The following CFAP77 variants were observed in gnomAD, a reference collection of about 807,000 sequenced individuals.
The protein encoded by CFAP77 is cilia and flagella associated protein 77.
In CFAP77, 25 loss-of-function variants were observed where a neutral mutation model predicts 31.1. The ratio of observed to expected loss-of-function variants is 0.80; its 90% CI spans 0.59 to 1.12. The LOEUF is 1.12. Among genes scored for constraint, CFAP77 ranks in the 50% most tolerant of loss-of-function variants. The probability of loss-of-function intolerance (pLI) is 0.00; values close to 1 mark genes in which losing one functional copy is unlikely to be tolerated. For synonymous variants in CFAP77, 151 were observed against 159.9 expected (o/e 0.94, Z 0.42); for missense variants, 377 against 397.3 (o/e 0.95, Z 0.44).
chr9:132,443,070 A>C (rs1179993769), intron 1 of CFAP77, among the ~76,000 whole-genome samples: 1 of 151,872 alleles, frequency 6.6e-6, no homozygotes, highest in Non-Finnish European at 1.5e-5. Flanking sequence ...ATAACATGTG[A>C]CTTTTTGTGT....
chr9:132,537,823 G>T, intron 4 of CFAP77, 117 bp downstream of exon 4: 1 of 737,116 alleles, frequency 1.4e-6, no homozygotes. Context: ...GGATGAGTGG[G>T]AAATCAGGTT....
At chr9:132,561,765 CAAG>C (rs1829814673) in intron 5 of CFAP77, among the ~76,000 whole-genome samples, 1 of 152,090 alleles carries the variant, frequency 6.6e-6, no homozygotes, top group South Asian at 2.1e-4. Context: ...GCCCTCCCAA[CAAG>C]AAGAGCCCCA....
chr9:132,567,106 C>A (rs1829893477), intron 5 of CFAP77, among the ~76,000 whole-genome samples: 1 of 152,188 alleles, frequency 6.6e-6, no homozygotes, highest in Non-Finnish European at 1.5e-5. Flanking sequence ...CCGTGAGATT[C>A]CAGTTGGAAT....
At chr9:132,558,572 G>A (rs1374431479) in intron 5 of CFAP77, among the ~76,000 whole-genome samples, 3 of 152,042 alleles carry the variant, frequency 2.0e-5, no homozygotes, top group Non-Finnish European at 4.4e-5. Flanking sequence ...AGGCGTGGTG[G>A]CAGGCGCCTG....
At chr9:132,548,286 G>GGGGGGGGGGGGGGGGCCCCC in intron 5 of CFAP77, among the ~76,000 whole-genome samples, 1 of 129,002 alleles carries the variant, frequency 7.8e-6, no homozygotes, top group East Asian at 2.6e-4. Flanking sequence ...GGGGGGTGGG[G>GGGGGGGGGGGGGGGGCCCCC]GGTGAAGCTG....
At position 132,539,205 on chromosome 9, in the gene CFAP77, G is replaced by A. The variant is rs1852599012; in HGVS notation, c.630+1499G>A. On this transcript the variant is annotated intron_variant, in intron 4 of 5. Coordinates refer to ENST00000393216, the MANE Select transcript of CFAP77 (RefSeq NM_001282957.2). This position sits in a 1 kb window ranked among gnomAD's most constrained non-coding sequence, Gnocchi z 4.3. ...TCCTCGGCAGTAGGTCCAGACTGAC[G>A]ATGGTAAAATCAGAATCACTCTATG... is the stretch of plus-strand genomic sequence containing the variant. 6.6e-6 allele frequency among the ~76,000 whole-genome samples: 1 copy of A among 152,216 alleles called. No individual in the cohort carries two copies. Among genetic ancestry groups the A allele is most frequent in the South Asian group, 2.1e-4 (1 of 4,830 alleles).
rs774087426 is a variant in CFAP77, at chr9:132,521,762, C to CTTTT, written c.525-15820_525-15817dup. Among the ~76,000 whole-genome samples the CTTTT allele has an allele frequency of 2.6e-4, 16 of 62,560 alleles. 1 individual carries two copies. The highest frequency in any genetic ancestry group is 3.4e-4 in the Non-Finnish European group (12 of 35,696). 41.0% of individuals were successfully genotyped at this position (62,560 alleles called of 152,430 possible). ...GCTGAGAAAGACAGAAATAGACTTGCTTTTTTTTTTTTTTTTTTTTTTGAG... is the reference window on the plus strand; with the variant it reads ...GCTGAGAAAGACAGAAATAGACTTGCTTTTTTTTTTTTTTTTTTTTTTTTTTGAG... On this transcript the variant is annotated intron_variant, in intron 3 of 5. Transcript: ENST00000393216.
At chr9:132,461,148 G>A (rs373414097) in intron 1 of CFAP77, among the ~76,000 whole-genome samples, 3 of 152,334 alleles carry the variant, frequency 2.0e-5, no homozygotes, top group East Asian at 3.9e-4. Context: ...AGCAAGTGCT[G>A]AATGAAGGTT....
At chr9:132,561,647 A>C (rs1264775666) in intron 5 of CFAP77, among the ~76,000 whole-genome samples, 4 of 105,250 alleles carry the variant, frequency 3.8e-5, no homozygotes, top group African/African-American at 2.2e-4. Flanking sequence ...ACACACACAC[A>C]CACACACACA....
intron 1 of CFAP77, among the ~76,000 whole-genome samples, chr9:132,428,650 C>T (rs1285038092): frequency 5.9e-5 from 9 of 152,152 alleles, no homozygotes; most frequent in South Asian, 4.2e-4. Context: ...ACACCCTGTA[C>T]GGGAAAAACA....
chr9:132,438,021 A>G (rs1850540901), intron 1 of CFAP77, among the ~76,000 whole-genome samples: 1 of 151,386 alleles, frequency 6.6e-6, no homozygotes, highest in Admixed American at 6.6e-5. Flanking sequence ...CCTAGCCAAC[A>G]TAGTAAAACC....
At chr9:132,438,193 C>T (rs548172449) in intron 1 of CFAP77, among the ~76,000 whole-genome samples, 3 of 112,072 alleles carry the variant, frequency 2.7e-5, no homozygotes, top group South Asian at 3.0e-4. Context: ...CAGAGCGAGA[C>T]GCCATCAAAA....
intron 3 of CFAP77, among the ~76,000 whole-genome samples, chr9:132,500,457 A>G (rs554819743): frequency 6.6e-6 from 1 of 152,354 alleles, no homozygotes; most frequent in African/African-American, 2.4e-5. Flanking sequence ...GCTACTGTTC[A>G]TGTTAAGATA....
At chr9:132,518,357 C>T (rs182599599) in intron 3 of CFAP77, among the ~76,000 whole-genome samples, 64 of 152,296 alleles carry the variant, frequency 4.2e-4, no homozygotes, top group Admixed American at 3.7e-3. Context: ...CATTCAGACC[C>T]GCCTTGGAGC....
intron 1 of CFAP77, among the ~76,000 whole-genome samples, chr9:132,427,179 G>A (rs1027803900): frequency 1.3e-5 from 2 of 152,212 alleles, no homozygotes; most frequent in African/African-American, 2.4e-5. Context: ...CCCAGAGCAC[G>A]AGAAGCCCCG....
At chr9:132,471,757 T>C (rs1347408906) in intron 1 of CFAP77, among the ~76,000 whole-genome samples, 2 of 151,990 alleles carry the variant, frequency 1.3e-5, no homozygotes, top group South Asian at 2.1e-4. Context: ...CTGGAGTGCA[T>C]TGGTGCCATC....
rs117789923 is a variant in CFAP77, at chr9:132,514,531, G to A, written c.524+14931G>A. 6.6e-3 allele frequency among the ~76,000 whole-genome samples: 1,000 copies of A among 152,282 alleles called. 20 individuals are homozygous for A. The highest frequency in any genetic ancestry group is 0.02 in the Admixed American group (308 of 15,306). Reference sequence around the variant, plus strand: ...ATCCCCCTGCCCAGTCGGTTTCTGAGTGGCCTGGCGGATCTCCTGTTCTCA... The same window carrying A: ...ATCCCCCTGCCCAGTCGGTTTCTGAATGGCCTGGCGGATCTCCTGTTCTCA... On this transcript the variant is annotated intron_variant, in intron 3 of 5. Transcript: ENST00000393216.
At position 132,552,633 on chromosome 9, in the gene CFAP77, T is replaced by C. The variant is rs1310431821; in HGVS notation, c.732+9586T>C. 2.0e-5 allele frequency among the ~76,000 whole-genome samples: 3 copies of C among 150,956 alleles called. No homozygotes were observed. The highest frequency in any genetic ancestry group is 1.3e-4 in the Admixed American group (2 of 15,134). On this transcript the variant is annotated intron_variant, in intron 5 of 5. Transcript: ENST00000393216. The surrounding 1 kb of genome is among the most constrained non-coding windows in gnomAD (Gnocchi z 5.5). ...ATTGCTTGAACCTGGGAGGTTGAGG[T>C]TGCTGTGAGCCGAGATCACGCCACT...
intron 3 of CFAP77, among the ~76,000 whole-genome samples, chr9:132,533,692 G>T (rs1452656033): frequency 2.0e-5 from 3 of 152,166 alleles, no homozygotes; most frequent in Non-Finnish European, 4.4e-5. Flanking sequence ...GACCAGCCTG[G>T]CCAAATGGCC....
Sources: allele counts gnomAD v4.1 joint callset (sites outside exome capture counted in the v4.1 genomes callset), GRCh38; gene constraint gnomAD v4.1.1; non-coding constraint Gnocchi (gnomAD v3.1); transcripts MANE v1.5; gene names NCBI Gene and HGNC (gene_info 2026-07-23, HGNC 2026-07-21).